CLCA2: variants seen among roughly 807,000 people sequenced by gnomAD.
CLCA2 encodes the protein calcium-activated chloride channel regulator 2.
In CLCA2, 85 loss-of-function variants were observed where a neutral mutation model predicts 82.9. The ratio of observed to expected loss-of-function variants is 1.03; its 90% CI spans 0.86 to 1.23. CLCA2 has a LOEUF of 1.23. Ranked by LOEUF, CLCA2 falls within the 50% of genes most tolerant of loss-of-function variation. CLCA2 has a pLI of 0.00. For synonymous variants in CLCA2, 421 were observed against 391.7 expected (o/e 1.07, Z -0.88); for missense variants, 1,089 against 1,124.8 (o/e 0.97, Z 0.45).
In CLCA2 at chr1:86,453,406, C is replaced by T; in HGVS notation, c.2193C>T (p.Gly731=). Residue 731 remains glycine, a synonymous_variant, in exon 13 of 14, where the codon GGC becomes GGT. Transcript: ENST00000370565. ...TGAATGCTCCAAGGAAATCAGTAGG[C>T]AGAAATGAGGAGGAGCGAAAGTGGG... is the stretch of plus-strand genomic sequence containing the variant. ...IQMNAPRKSV[G]RNEEERKWGF... 6.2e-7 allele frequency: 1 copy of T among 1,613,992 alleles called. No individual in the cohort carries two copies. The highest frequency in any genetic ancestry group is 8.5e-7 in the Non-Finnish European group (1 of 1,179,978).
At chr1:86,444,879 T>TTTGTTG (rs199948615) in intron 10 of CLCA2, among the ~76,000 whole-genome samples, 53,061 of 147,920 alleles carry the variant, frequency 0.36, 9,827 homozygotes, top group East Asian at 0.44. Context: ...CACCCCCACT[T>TTTGTTG]TTGTTGTTGT....
intron 12 of CLCA2, among the ~76,000 whole-genome samples, chr1:86,451,302 G>T (rs1293693976): frequency 6.6e-6 from 1 of 152,168 alleles, no homozygotes; most frequent in Non-Finnish European, 1.5e-5. Flanking sequence ...GGTGGTTAAA[G>T]CATAATAGAC....
chr1:86,433,302 G>A (rs1662536707), intron 5 of CLCA2, among the ~76,000 whole-genome samples: 1 of 152,154 alleles, frequency 6.6e-6, no homozygotes, highest in African/African-American at 2.4e-5. Context: ...ACATCTGTGG[G>A]TCATCTCTTC....
At position 86,428,471 on chromosome 1, in the gene CLCA2, C is replaced by G. The variant is rs1301136043; in HGVS notation, c.378C>G (p.Thr126=). 1.9e-6 allele frequency: 3 copies of G among 1,613,002 alleles called. No individual in the cohort carries two copies. Among genetic ancestry groups the G allele is most frequent in the Middle Eastern group, 1.7e-4 (1 of 6,058 alleles). The change falls in exon 3 of 14, where the codon ACC becomes ACG. Residue 126 remains threonine, a synonymous_variant. Coordinates refer to ENST00000370565, the MANE Select transcript of CLCA2 (RefSeq NM_006536.7). ...WYGAHGDDPY[T]LQYRGCGKEG... is the part of the protein sequence containing the mutation. ...GGGCACATGGAGATGATCCATACACCCTACAATACAGAGGGTGTGGAAAAG... is the reference window on the plus strand; with the variant it reads ...GGGCACATGGAGATGATCCATACACGCTACAATACAGAGGGTGTGGAAAAG...
chr1:86,440,248 G>A lies in CLCA2; in HGVS notation c.1304G>A (p.Ser435Asn). 6.2e-7 allele frequency: 1 copy of A among 1,614,016 alleles called. No individual in the cohort carries two copies. The highest frequency in any genetic ancestry group is 8.5e-7 in the Non-Finnish European group (1 of 1,179,904). ...GGCAATTGCTTACCCACTGTGCTCA[G>A]CAGTGGTTCAACAATTCACTCCATT... is the stretch of plus-strand genomic sequence containing the variant. ...LLGNCLPTVL[S>N]SGSTIHSIAL... Residue 435 changes from serine (S) to asparagine (N), a missense_variant, in exon 8 of 14, where the codon AGC (serine) becomes AAC (asparagine). Physicochemically the swap from Ser to Asn is conservative, Grantham distance 46. Coordinates refer to ENST00000370565, the MANE Select transcript of CLCA2 (RefSeq NM_006536.7).
chr1:86,432,543 G>A lies in CLCA2; in HGVS notation c.744+15G>A, dbSNP rs1448966365. 1 of 1,610,588 alleles carries A rather than the reference G, an allele frequency of 6.2e-7. No individual in the cohort carries two copies. Among genetic ancestry groups the A allele is most frequent in the Non-Finnish European group, 8.5e-7 (1 of 1,178,578 alleles). Reference sequence around the variant, plus strand: ...GTTTATCTTCTGTAAGTATGCCCTTGGAATGACACACTCTTGCAGGATTCC... The same window carrying A: ...GTTTATCTTCTGTAAGTATGCCCTTAGAATGACACACTCTTGCAGGATTCC... On this transcript the variant is annotated intron_variant, in intron 5 of 13. Transcript: ENST00000370565.
chr1:86,444,040 C>A (rs781587661), intron 10 of CLCA2, 29 bp downstream of exon 10: 1 of 1,385,990 alleles, frequency 7.2e-7, no homozygotes, highest in East Asian at 2.3e-5. Context: ...TTCCTAAGGA[C>A]AACGTTCAAC....
Position 86,440,205 on chromosome 1 carries a change from G to T in CLCA2, c.1261G>T (p.Gly421Ter). 1 of 1,614,098 alleles carries T rather than the reference G, an allele frequency of 6.2e-7. No homozygotes were observed. The highest frequency in any genetic ancestry group is 8.5e-7 in the Non-Finnish European group (1 of 1,179,974). Reference sequence around the variant, plus strand: ...CTCTGTGATGATATTAGTGACCAGCGGAGATGATAAGCTTCTTGGCAATTG... The same window carrying T: ...CTCTGTGATGATATTAGTGACCAGCTGAGATGATAAGCTTCTTGGCAATTG... ...YGSVMILVTSGDDKLLGNCLP... is the reference protein window; with the variant it reads ...YGSVMILVTS Residue 421 changes from glycine to a stop codon, truncating the protein, a stop_gained, in exon 8 of 14, where the codon GGA becomes TGA. Coordinates refer to ENST00000370565, the MANE Select transcript of CLCA2 (RefSeq NM_006536.7). LOFTEE classifies it high-confidence loss of function.
At position 86,428,509 on chromosome 1, in the gene CLCA2, T is replaced by C. The variant is rs767693702; in HGVS notation, c.416T>C (p.Ile139Thr). 2 of 1,613,776 alleles carry C rather than the reference T, an allele frequency of 1.2e-6. No individual in the cohort carries two copies. Among genetic ancestry groups the C allele is most frequent in the Non-Finnish European group, 1.7e-6 (2 of 1,179,774 alleles). ...YRGCGKEGKY[I>T]HFTPNFLLND... is the part of the protein sequence containing the mutation. ...GGGTGTGGAAAAGAGGGAAAATACA[T>C]TCATTTCACACCTAATTTCCTACTG... The change falls in exon 3 of 14, where the codon ATT becomes ACT. Residue 139 changes from isoleucine (I) to threonine (T), a missense_variant. Ile to Thr is a moderately conservative substitution (Grantham distance 89). Coordinates refer to ENST00000370565, the MANE Select transcript of CLCA2 (RefSeq NM_006536.7).
chr1:86,439,143 TTTTCC>T lies in CLCA2; in HGVS notation c.1203+43_1203+47del, dbSNP rs1220503086. Reference sequence around the variant, plus strand: ...CATCCTAAGCCTTGGATCACCATCATTTTCCTTTCCCTCTTTTAGTATACGAGGTT... The same window carrying T: ...CATCCTAAGCCTTGGATCACCATCATTTTCCCTCTTTTAGTATACGAGGTT... On this transcript the variant is annotated intron_variant, in intron 7 of 13. Transcript: ENST00000370565. 7 of 1,590,218 alleles carry T rather than the reference TTTTCC, an allele frequency of 4.4e-6. No homozygotes were observed. In the Admixed American group the frequency reaches 1.2e-4, roughly 27 times the overall value.
At chr1:86,445,771 A>G (rs1195552450) in intron 10 of CLCA2, among the ~76,000 whole-genome samples, 1 of 152,032 alleles carries the variant, frequency 6.6e-6, no homozygotes, top group Admixed American at 6.6e-5. Context: ...CCATCTTTTA[A>G]TTTATAAAAA....
intron 10 of CLCA2, among the ~76,000 whole-genome samples, chr1:86,446,579 A>G (rs10493792): frequency 0.017 from 2,570 of 152,290 alleles, 78 homozygotes; most frequent in African/African-American, 0.059. Flanking sequence ...ATAGTCCTTG[A>G]ATCATAACTT....
chr1:86,445,856 T>C (rs2101708007), intron 10 of CLCA2, among the ~76,000 whole-genome samples: 1 of 152,254 alleles, frequency 6.6e-6, no homozygotes, highest in Admixed American at 6.5e-5. Context: ...TATGAAATAT[T>C]ACACACATTA....
rs1663010293 is a variant in CLCA2, at chr1:86,453,314, T to G, written c.2156-55T>G. ...AAGTCTCACTGTGTCAAGAACAAGCTATTCAGAAGCTTTGTAATTTGTCAT... is the reference window on the plus strand; with the variant it reads ...AAGTCTCACTGTGTCAAGAACAAGCGATTCAGAAGCTTTGTAATTTGTCAT... On this transcript the variant is annotated intron_variant, in intron 12 of 13. Coordinates refer to ENST00000370565, the MANE Select transcript of CLCA2 (RefSeq NM_006536.7). 8.1e-6 allele frequency: 11 copies of G among 1,360,800 alleles called. No individual in the cohort carries two copies. In the East Asian group the frequency reaches 2.5e-4, roughly 31 times the overall value. The allele number at this position is 1,360,800 out of a possible 1,614,324, so 84.3% of individuals were successfully genotyped here.
intron 2 of CLCA2, among the ~76,000 whole-genome samples, chr1:86,426,513 A>C (rs967537532): frequency 1.2e-4 from 19 of 152,204 alleles, no homozygotes; most frequent in Admixed American, 1.1e-3. Flanking sequence ...AGATGAAAGC[A>C]TTTGAGAATG....
intron 6 of CLCA2, among the ~76,000 whole-genome samples, chr1:86,437,843 A>C (rs138776717): frequency 2.0e-5 from 3 of 152,206 alleles, no homozygotes; most frequent in South Asian, 4.1e-4. Flanking sequence ...GGCAATAGCT[A>C]TTCTATTGTG....
intron 6 of CLCA2, 83 bp downstream of exon 6, chr1:86,434,828 G>T: frequency 8.7e-7 from 1 of 1,148,660 alleles, no homozygotes; most frequent in South Asian, 1.4e-5. Flanking sequence ...TTTAAGTTCT[G>T]GGGTACATGT....
At chr1:86,451,931 GT>G (rs1289486576) in intron 12 of CLCA2, among the ~76,000 whole-genome samples, 2 of 152,054 alleles carry the variant, frequency 1.3e-5, no homozygotes, top group African/African-American at 2.4e-5. Context: ...ATTATTATTA[GT>G]TAATCTCATT....
intron 8 of CLCA2, 134 bp downstream of exon 8, chr1:86,440,459 G>A: frequency 2.4e-6 from 2 of 825,854 alleles, no homozygotes; most frequent in Non-Finnish European, 3.6e-6. Context: ...CACACATATT[G>A]CTAGAATCTG....
Sources: gnomAD v4.1 joint callset for allele counts (sites outside exome capture counted in the v4.1 genomes callset) on GRCh38, gnomAD v4.1.1 for gene constraint, MANE v1.5 for transcripts, NCBI Gene and HGNC (gene_info 2026-07-23, HGNC 2026-07-21) for gene names.